ADK: variants seen among roughly 807,000 people sequenced by gnomAD.
The protein encoded by ADK is adenosine kinase, also known as N6,N6-dimethyladenosine kinase.
Under a neutral mutation model 44.7 loss-of-function variants are expected in ADK, and 24 were observed. The ratio of observed to expected loss-of-function variants is 0.54; its 90% CI spans 0.39 to 0.76. The LOEUF is 0.76. ADK is among the 30% of genes least tolerant of loss of function. The pLI is 0.00. For missense variants in ADK, 321 were observed against 425.1 expected (o/e 0.76, Z 2.15); for synonymous variants, 128 against 142.6 (o/e 0.90, Z 0.73).
At chr10:74,298,985 T>C (rs184674966) in intron 3 of ADK, among the ~76,000 whole-genome samples, 12 of 152,222 alleles carry the variant, frequency 7.9e-5, no homozygotes, top group Admixed American at 7.8e-4. Flanking sequence ...AAGATAGTGG[T>C]TTTACTTGGC....
At chr10:74,684,085 TTCATTGTCA>T (rs1293127014) in intron 10 of ADK, among the ~76,000 whole-genome samples, 2 of 152,346 alleles carry the variant, frequency 1.3e-5, no homozygotes, top group East Asian at 3.9e-4. Flanking sequence ...ACTGCAGTTT[TTCATTGTCA>T]TCTGTCAGGG....
Position 74,430,298 on chromosome 10 carries a change from C to A in ADK, c.555+31719C>A, listed in dbSNP as rs1162315653. On this transcript the variant is annotated intron_variant, in intron 6 of 10. Coordinates refer to ENST00000539909, the MANE Select transcript of ADK (RefSeq NM_006721.4). ...CCATATCATAACCATCATATTGACA[C>A]TGATATAGTCAAGGCTCCAAATATA... Among the ~76,000 whole-genome samples, 6 of 152,304 alleles carry A rather than the reference C, an allele frequency of 3.9e-5. No individual in the cohort carries two copies. The South Asian group carries it at 8.3e-4, about 21-fold the overall frequency.
chr10:74,539,762 G>T (rs1318143183), intron 7 of ADK, among the ~76,000 whole-genome samples: 1 of 152,068 alleles, frequency 6.6e-6, no homozygotes, highest in East Asian at 1.9e-4. Context: ...TTTCTGAGAA[G>T]GATAATGAAA....
intron 6 of ADK, among the ~76,000 whole-genome samples, chr10:74,451,214 A>G (rs935187450): frequency 1.3e-5 from 2 of 151,464 alleles, no homozygotes; most frequent in Non-Finnish European, 2.9e-5. Context: ...ACATGCAGAG[A>G]TTTTGCTGTG....
At chr10:74,235,875 T>A (rs1844940409) in intron 3 of ADK, among the ~76,000 whole-genome samples, 1 of 152,224 alleles carries the variant, frequency 6.6e-6, no homozygotes, top group Non-Finnish European at 1.5e-5. Context: ...GGGTTAGTTA[T>A]CTCTTAGAGG....
chr10:74,598,985 A>G (rs747753562), intron 8 of ADK, among the ~76,000 whole-genome samples: 5 of 152,150 alleles, frequency 3.3e-5, no homozygotes, highest in Non-Finnish European at 5.9e-5. Context: ...ATATGTGTAC[A>G]CTTATTTAGG....
chr10:74,303,588 GTTTTTTT>G (rs1185036462), intron 3 of ADK, among the ~76,000 whole-genome samples: 15 of 68,576 alleles, frequency 2.2e-4, no homozygotes, highest in African/African-American at 6.3e-4. Context: ...TTTTAATGTT[GTTTTTTT>G]TTTTTTTTTT....
chr10:74,428,912 A>G (rs1340443937), intron 6 of ADK, among the ~76,000 whole-genome samples: 1 of 152,238 alleles, frequency 6.6e-6, no homozygotes, highest in Non-Finnish European at 1.5e-5. Flanking sequence ...GAAGTACACA[A>G]CATCATCTAT....
At chr10:74,669,828 A>G (rs1320494864) in intron 9 of ADK, among the ~76,000 whole-genome samples, 1 of 152,078 alleles carries the variant, frequency 6.6e-6, no homozygotes, top group East Asian at 1.9e-4. Flanking sequence ...TTTTTTAGAA[A>G]CCCATGATCC....
At chr10:74,283,115 G>T (rs1332687378) in intron 3 of ADK, among the ~76,000 whole-genome samples, 1 of 151,966 alleles carries the variant, frequency 6.6e-6, no homozygotes, top group African/African-American at 2.4e-5. Flanking sequence ...TGAAAATTTT[G>T]GTACCTCCCT....
In ADK at chr10:74,356,002, A is replaced by ATATTGGTTTTTT. The variant is rs57958159; in HGVS notation, c.274-38138_274-38137insATTGGTTTTTTT. ...TCTGAAATATTTCACTAAATAATTCATTTTTTTTTTTTTTTTTTTTTTTTT... is the reference window on the plus strand; with the variant it reads ...TCTGAAATATTTCACTAAATAATTCATATTGGTTTTTTTTTTTTTTTTTTTTTTTTTTTTTTT... On this transcript the variant is annotated intron_variant, in intron 4 of 10. Coordinates refer to ENST00000539909, the MANE Select transcript of ADK (RefSeq NM_006721.4). Among the ~76,000 whole-genome samples the ATATTGGTTTTTT allele has an allele frequency of 6.6e-4, 55 of 83,300 alleles. 2 individuals are homozygous for ATATTGGTTTTTT. The highest frequency in any genetic ancestry group is 1.3e-3 in the Admixed American group (9 of 7,162). The allele number at this position is 83,300 out of a possible 152,430, so 54.6% of individuals were successfully genotyped here. A position where few individuals can be genotyped will look rare whatever the true frequency, so the allele number is the denominator to read the frequency against.
At chr10:74,567,511 A>G (rs1260147023) in intron 7 of ADK, among the ~76,000 whole-genome samples, 1 of 152,110 alleles carries the variant, frequency 6.6e-6, no homozygotes, top group Non-Finnish European at 1.5e-5. Flanking sequence ...CTCATATTTT[A>G]TGGGCCAGGC....
intron 6 of ADK, among the ~76,000 whole-genome samples, chr10:74,424,889 A>C (rs779793434): frequency 6.6e-6 from 1 of 151,822 alleles, no homozygotes; most frequent in African/African-American, 2.4e-5. Flanking sequence ...ATTTTGATAA[A>C]CTCATTTCAT....
intron 6 of ADK, among the ~76,000 whole-genome samples, chr10:74,433,522 C>T (rs1349750849): frequency 6.6e-6 from 1 of 152,066 alleles, no homozygotes; most frequent in African/African-American, 2.4e-5. Context: ...GTTCATCCAA[C>T]AGTAAAACTA....
intron 6 of ADK, among the ~76,000 whole-genome samples, chr10:74,523,802 A>G (rs1848931284): frequency 6.6e-6 from 1 of 152,206 alleles, no homozygotes; most frequent in South Asian, 2.1e-4. Context: ...AACAATTGCC[A>G]AGTCCTGTAT....
At chr10:74,454,042 C>T (rs1372638117) in intron 6 of ADK, among the ~76,000 whole-genome samples, 2 of 152,142 alleles carry the variant, frequency 1.3e-5, no homozygotes, top group Admixed American at 6.5e-5. Context: ...TTAACTTTTA[C>T]AGTCAATGGA....
At chr10:74,655,868 G>T (rs1286825948) in intron 9 of ADK, 3 of 594,850 alleles carry the variant, frequency 5.0e-6, no homozygotes, top group Non-Finnish European at 9.6e-6. Context: ...AGGAAGCCAG[G>T]CTGGCAAAGA....
chr10:74,664,548 A>G (rs755272208), intron 9 of ADK, among the ~76,000 whole-genome samples: 4 of 152,188 alleles, frequency 2.6e-5, no homozygotes, highest in Admixed American at 6.6e-5. Flanking sequence ...AAGCACAACT[A>G]AAAGTAATAT....
chr10:74,176,507 G>A, intron 1 of ADK: 1 of 1,188,900 alleles, frequency 8.4e-7, no homozygotes, highest in Non-Finnish European at 1.1e-6. Flanking sequence ...TTTGGGGCGG[G>A]CACCCAATCT....
Sources: gnomAD v4.1 joint callset for allele counts (sites outside exome capture counted in the v4.1 genomes callset) on GRCh38, gnomAD v4.1.1 for gene constraint, MANE v1.5 for transcripts, NCBI Gene and HGNC (gene_info 2026-07-23, HGNC 2026-07-21) for gene names.